The following ABCB1 variants were observed in gnomAD, a reference collection of about 807,000 sequenced individuals.
The protein encoded by ABCB1 is ATP-dependent translocase ABCB1.
In ABCB1, 69 loss-of-function variants were observed where a neutral mutation model predicts 142.0. That is an observed-to-expected ratio of 0.49 (90% CI 0.40 to 0.59). The LOEUF is 0.59. Ranked by LOEUF, ABCB1 falls within the 20% of genes least tolerant of loss-of-function variation. The pLI, the probability that ABCB1 is intolerant of heterozygous loss-of-function variation, is 0.00. For synonymous variants in ABCB1, 532 were observed against 539.2 expected (o/e 0.99, Z 0.18); for missense variants, 1,326 against 1,554.7 (o/e 0.85, Z 2.47).
At chr7:87,632,211 C>A (rs1209852391) in intron 1 of ABCB1, among the ~76,000 whole-genome samples, 1 of 151,340 alleles carries the variant, frequency 6.6e-6, no homozygotes, top group East Asian at 1.9e-4. Context: ...TAGGTGTATT[C>A]TCAGTTTAGG....
upstream of ABCB1, among the ~76,000 whole-genome samples, chr7:87,602,220 C>T (rs1819486116): frequency 6.6e-6 from 1 of 151,552 alleles, no homozygotes; most frequent in African/African-American, 2.4e-5. Context: ...GTCTTGATCT[C>T]CTGACCTCGT....
At chr7:87,637,393 C>A (rs73705286) in intron 1 of ABCB1, among the ~76,000 whole-genome samples, 6,479 of 152,016 alleles carry the variant, frequency 0.043, 458 homozygotes, top group African/African-American at 0.15. Context: ...ATTATCTTGG[C>A]TATTCTTGGC....
chr7:87,586,757 C>T lies in ABCB1; in HGVS notation c.118-1077G>A, dbSNP rs556611939. On this transcript the variant is annotated intron_variant, in intron 3 of 27. Transcript: ENST00000622132. ...GCTTACATGAATCTTACAGTAGCAA[C>T]TGGGGGATTTGGTACTGGACTGCCG... Among the ~76,000 whole-genome samples the T allele has an allele frequency of 1.1e-4, 17 of 152,216 alleles. No homozygotes were observed. In the East Asian group the frequency reaches 3.3e-3, roughly 29 times the overall value.
intron 1 of ABCB1, among the ~76,000 whole-genome samples, chr7:87,690,704 CG>C (rs1827932589): frequency 6.6e-6 from 1 of 152,046 alleles, no homozygotes; most frequent in East Asian, 1.9e-4. Context: ...ATAAGCAACT[CG>C]CCTTAACAGT....
chr7:87,513,874 C>T (rs1815121050), intron 25 of ABCB1, among the ~76,000 whole-genome samples: 1 of 152,186 alleles, frequency 6.6e-6, no homozygotes, highest in South Asian at 2.1e-4. Context: ...TGTTGAGGGC[C>T]ATAATCAGTG....
At chr7:87,696,482 AAATT>A (rs1828504306) in intron 1 of ABCB1, among the ~76,000 whole-genome samples, 1 of 152,168 alleles carries the variant, frequency 6.6e-6, no homozygotes, top group South Asian at 2.1e-4. Flanking sequence ...ATATTGAACT[AAATT>A]AAACCTTTCT....
intron 7 of ABCB1, among the ~76,000 whole-genome samples, chr7:87,565,686 T>G (rs1270322858): frequency 6.6e-6 from 1 of 151,216 alleles, no homozygotes; most frequent in Non-Finnish European, 1.5e-5. Context: ...TCACTAAACT[T>G]GAGTCTCTAC....
intron 19 of ABCB1, among the ~76,000 whole-genome samples, chr7:87,537,393 G>A (rs1816345689): frequency 6.6e-6 from 1 of 152,204 alleles, no homozygotes; most frequent in Non-Finnish European, 1.5e-5. Flanking sequence ...AAAAATGACT[G>A]TGGCTGTTTT....
intron 1 of ABCB1, among the ~76,000 whole-genome samples, chr7:87,614,677 T>A (rs538105250): frequency 6.6e-6 from 1 of 152,362 alleles, no homozygotes; most frequent in South Asian, 2.1e-4. Flanking sequence ...CCTGTTTAGA[T>A]ATTTAGAATT....
At chr7:87,513,241 C>CTCCTT (rs70953648) in intron 25 of ABCB1, among the ~76,000 whole-genome samples, 1 of 82,628 alleles carries the variant, frequency 1.2e-5, no homozygotes, top group African/African-American at 7.2e-5. Context: ...AGCAAATAGC[C>CTCCTT]TCCTTTCACT....
chr7:87,655,610 A>G (rs113381413), intron 1 of ABCB1, among the ~76,000 whole-genome samples: 26 of 152,308 alleles, frequency 1.7e-4, no homozygotes, highest in African/African-American at 6.3e-4. Flanking sequence ...ATAAAAATTC[A>G]GTTAAAAGGA....
In ABCB1 at chr7:87,555,192, A is replaced by G. The variant is rs532626543; in HGVS notation, c.828-1260T>C. On this transcript the variant is annotated intron_variant, in intron 8 of 27. Transcript: ENST00000622132. ...TAAAGAAAAATAAGGAATTTTGCAA[A>G]TGTAGAACCAAGGTAAAAGGATTAG... Among the ~76,000 whole-genome samples, 177 of 152,274 alleles carry G rather than the reference A, an allele frequency of 1.2e-3. 1 individual carries two copies. The highest frequency in any genetic ancestry group is 4.0e-3 in the African/African-American group (168 of 41,560).
intron 1 of ABCB1, 86 bp from the exon 2 acceptor site, chr7:87,600,276 C>A: frequency 8.6e-7 from 1 of 1,164,416 alleles, no homozygotes. Context: ...CCCGTCGAAG[C>A]CAGAGAGCAG....
At chr7:87,521,976 G>GC (rs1362548141) in intron 21 of ABCB1, 3 of 822,316 alleles carry the variant, frequency 3.6e-6, no homozygotes, top group Admixed American at 1.7e-5. Context: ...ACTGTGAATG[G>GC]CCACACTTGT....
chr7:87,601,482 T>A (rs1819455436), upstream of ABCB1, among the ~76,000 whole-genome samples: 2 of 152,250 alleles, frequency 1.3e-5, no homozygotes, highest in South Asian at 4.1e-4. Flanking sequence ...TTTTAAAACT[T>A]CAGACGTCAG....
chr7:87,665,427 A>T (rs1825126338), intron 1 of ABCB1, among the ~76,000 whole-genome samples: 1 of 152,106 alleles, frequency 6.6e-6, no homozygotes, highest in South Asian at 2.1e-4. Flanking sequence ...TTGATTAAAT[A>T]AATTGTAGAA....
Position 87,589,347 on chromosome 7 carries a change from C to A in ABCB1, c.118-3667G>T, listed in dbSNP as rs147178889. On this transcript the variant is annotated intron_variant, in intron 3 of 27. Coordinates refer to ENST00000622132, the MANE Select transcript of ABCB1 (RefSeq NM_001348946.2). ...ACAATATGCAAATATATGATATAAG[C>A]AGATAATGTTACTGGTTTTGAAAAT... 6.6e-5 allele frequency among the ~76,000 whole-genome samples: 10 copies of A among 152,202 alleles called. No individual in the cohort carries two copies. The East Asian group carries it at 1.9e-3, about 29-fold the overall frequency.
At chr7:87,596,693 T>C (rs1158467243) in intron 2 of ABCB1, among the ~76,000 whole-genome samples, 2 of 152,064 alleles carry the variant, frequency 1.3e-5, no homozygotes, top group African/African-American at 4.8e-5. Flanking sequence ...AAATTCATCT[T>C]TGTCTTTGTT....
intron 23 of ABCB1, chr7:87,519,113 G>A: frequency 1.7e-6 from 1 of 597,498 alleles, no homozygotes; most frequent in Non-Finnish European, 3.0e-6. Flanking sequence ...TCAACTATGT[G>A]TGAGCCAGCA....
Sources: allele counts gnomAD v4.1 joint callset (sites outside exome capture counted in the v4.1 genomes callset), GRCh38; gene constraint gnomAD v4.1.1; transcripts MANE v1.5; gene names NCBI Gene and HGNC (gene_info 2026-07-23, HGNC 2026-07-21).